The following PEMT variants were observed in gnomAD, a reference collection of about 807,000 sequenced individuals.
PEMT encodes phosphatidylethanolamine N-methyltransferase.
PEMT carries 23 observed loss-of-function variants against 27.4 expected under a neutral mutation model. The ratio of observed to expected loss-of-function variants is 0.84; its 90% CI spans 0.60 to 1.19. The LOEUF (loss-of-function observed/expected upper bound fraction) is 1.19. PEMT is among the 50% of genes most tolerant of loss of function. The pLI is 0.00. For missense variants in PEMT, 307 were observed against 310.1 expected (o/e 0.99, Z 0.07); for synonymous variants, 137 against 139.1 (o/e 0.98, Z 0.11).
intron 2 of PEMT, among the ~76,000 whole-genome samples, chr17:17,525,703 A>G (rs1467816563): frequency 1.3e-5 from 2 of 152,158 alleles, no homozygotes; most frequent in Non-Finnish European, 2.9e-5. Flanking sequence ...CTTCAGATAA[A>G]CAACAACCTG....
At chr17:17,591,804 G>C (rs1204632106), upstream of PEMT, 9 of 1,421,430 alleles carry the variant, frequency 6.3e-6, no homozygotes, top group Non-Finnish European at 8.3e-6. Flanking sequence ...CTTTATCTGG[G>C]GGCTCGCGAC....
chr17:17,591,716 G>A, upstream of PEMT: 1 of 1,499,444 alleles, frequency 6.7e-7, no homozygotes, highest in Non-Finnish European at 8.9e-7. Context: ...AGTGCCGCCA[G>A]TCGGGGCGCT....
intron 1 of PEMT, chr17:17,577,538 G>A (rs1911686511): frequency 1.0e-6 from 1 of 991,548 alleles, no homozygotes. Context: ...AAAAGTGTGT[G>A]CCCACATCCC....
At position 17,523,955 on chromosome 17, in the gene PEMT, G is replaced by A. The variant is rs73294360; in HGVS notation, c.205-1560C>T. ...TGCCGGCCCCTGGCAACCACTCATC[G>A]CTTTCCGTTGCTATGGATTCACCTA... On this transcript the variant is annotated intron_variant, in intron 2 of 6. Transcript: ENST00000255389. This position sits in a 1 kb window ranked among gnomAD's most constrained non-coding sequence, Gnocchi z 4.8. Among the ~76,000 whole-genome samples the A allele has an allele frequency of 0.035, 5,261 of 151,952 alleles. 303 individuals carry two copies. The highest frequency in any genetic ancestry group is 0.12 in the African/African-American group (4,975 of 41,410).
At chr17:17,525,919 G>A (rs1373513121) in intron 2 of PEMT, among the ~76,000 whole-genome samples, 3 of 152,138 alleles carry the variant, frequency 2.0e-5, no homozygotes, top group Non-Finnish European at 4.4e-5. Flanking sequence ...GCTTGAACCC[G>A]GGAGGCAGAG....
At chr17:17,574,965 A>G (rs70959693) in intron 2 of PEMT, among the ~76,000 whole-genome samples, 81 of 152,316 alleles carry the variant, frequency 5.3e-4, no homozygotes, top group African/African-American at 1.9e-3. Context: ...TAGGCCCACA[A>G]CGTCTTCCAG....
At chr17:17,583,372 A>G (rs1044477589) in intron 1 of PEMT, among the ~76,000 whole-genome samples, 1 of 152,254 alleles carries the variant, frequency 6.6e-6, no homozygotes, top group African/African-American at 2.4e-5. Context: ...GTGAAACTTC[A>G]TCTCAAAAAA....
chr17:17,562,923 G>A (rs551610451), intron 2 of PEMT, among the ~76,000 whole-genome samples: 8 of 152,012 alleles, frequency 5.3e-5, no homozygotes, highest in African/African-American at 9.7e-5. Flanking sequence ...CATGTCCCAC[G>A]TCCCCACCCA....
chr17:17,549,811 T>C (rs569855061), intron 2 of PEMT, among the ~76,000 whole-genome samples: 3 of 152,340 alleles, frequency 2.0e-5, no homozygotes, highest in Admixed American at 6.5e-5. Context: ...CAGGCGGGTC[T>C]GGGGCTGCCA....
At chr17:17,526,406 C>A (rs143503739) in intron 2 of PEMT, among the ~76,000 whole-genome samples, 1 of 152,326 alleles carries the variant, frequency 6.6e-6, no homozygotes, top group East Asian at 1.9e-4. Context: ...ACTGAGTCAG[C>A]TGCAAAGTAC....
At chr17:17,510,886 G>T (rs536771334) in intron 4 of PEMT, among the ~76,000 whole-genome samples, 1 of 152,252 alleles carries the variant, frequency 6.6e-6, no homozygotes, top group African/African-American at 2.4e-5. Context: ...CCCCGCCGCT[G>T]GTCTCCCACA....
At chr17:17,560,718 G>A (rs1230284932) in intron 2 of PEMT, among the ~76,000 whole-genome samples, 1 of 152,102 alleles carries the variant, frequency 6.6e-6, no homozygotes, top group East Asian at 1.9e-4. Context: ...TGGTGACCGG[G>A]TGACAGGTCC....
chr17:17,528,045 TTCGCA>T, intron 2 of PEMT, among the ~76,000 whole-genome samples: 1 of 152,224 alleles, frequency 6.6e-6, no homozygotes, highest in Admixed American at 6.5e-5. Context: ...GGGCTAGTGC[TTCGCA>T]TTGGTAATGA....
At chr17:17,554,688 T>C (rs1415004592) in intron 2 of PEMT, among the ~76,000 whole-genome samples, 1 of 152,184 alleles carries the variant, frequency 6.6e-6, no homozygotes, top group Admixed American at 6.5e-5. Context: ...GGATCTTGGC[T>C]CACTACAACC....
intron 3 of PEMT, among the ~76,000 whole-genome samples, chr17:17,516,255 C>T (rs1906827472): frequency 6.6e-6 from 1 of 152,096 alleles, no homozygotes; most frequent in East Asian, 1.9e-4. Context: ...CTGATGGGCT[C>T]ATTTCTTTTC....
chr17:17,531,621 C>CAAAAA (rs58165466), intron 2 of PEMT, among the ~76,000 whole-genome samples: 93 of 62,372 alleles, frequency 1.5e-3, no homozygotes, highest in Non-Finnish European at 1.8e-3. Flanking sequence ...CTATCATATG[C>CAAAAA]AAAAAAAAAA....
intron 2 of PEMT, among the ~76,000 whole-genome samples, chr17:17,574,999 A>T (rs1316572353): frequency 6.6e-6 from 1 of 151,106 alleles, no homozygotes; most frequent in Admixed American, 6.6e-5. Flanking sequence ...CTTTTTAAAT[A>T]CCCTGGCCTC....
intron 2 of PEMT, among the ~76,000 whole-genome samples, chr17:17,527,665 G>A (rs909830196): frequency 2.6e-5 from 4 of 152,258 alleles, no homozygotes; most frequent in African/African-American, 9.6e-5. Context: ...TGGCGGTGCT[G>A]CTGTTTGTTT....
chr17:17,548,740 G>T (rs866064817), intron 2 of PEMT, among the ~76,000 whole-genome samples: 24 of 152,302 alleles, frequency 1.6e-4, no homozygotes, highest in African/African-American at 5.5e-4. Flanking sequence ...TAGAGATGGG[G>T]TTTCTCCATG....
Sources: allele counts gnomAD v4.1 joint callset (sites outside exome capture counted in the v4.1 genomes callset), GRCh38; gene constraint gnomAD v4.1.1; non-coding constraint Gnocchi (gnomAD v3.1); transcripts MANE v1.5; gene names NCBI Gene and HGNC (gene_info 2026-07-23, HGNC 2026-07-21).